Variants in TRIP12 observed in about 807,000 individuals in gnomAD.
The protein encoded by TRIP12 is thyroid hormone receptor interactor 12, also known as E3 ubiquitin-protein ligase TRIP12.
A neutral mutation model predicts 244.2 loss-of-function variants in TRIP12; 25 were observed. The observed-to-expected ratio is 0.10, with a 90% CI of 0.07 to 0.14. The LOEUF is 0.14. Ranked by LOEUF, TRIP12 falls within the 10% of genes least tolerant of loss-of-function variation. The pLI is 1.00. For missense variants in TRIP12, 1,677 were observed against 2,486.4 expected (o/e 0.67, Z 6.92); for synonymous variants, 905 against 873.1 (o/e 1.04, Z -0.64).
intron 9 of TRIP12, 115 bp from the exon 10 acceptor site, chr2:229,815,423 A>G: frequency 1.6e-6 from 1 of 631,380 alleles, no homozygotes. Context: ...CCTAACTTTT[A>G]CCACACAAAA....
At chr2:229,903,561 T>C (rs1227762784) in intron 1 of TRIP12, among the ~76,000 whole-genome samples, 1 of 152,014 alleles carries the variant, frequency 6.6e-6, no homozygotes, top group Non-Finnish European at 1.5e-5. Context: ...TAGGAGCCTG[T>C]GAGCCACAAC....
Position 229,792,056 on chromosome 2 carries a change from A to C in TRIP12, c.4225T>G (p.Phe1409Val). 6.2e-7 allele frequency: 1 copy of C among 1,614,120 alleles called. No individual in the cohort carries two copies. The highest frequency in any genetic ancestry group is 8.5e-7 in the Non-Finnish European group (1 of 1,179,986). ...EEIDESLAAQ[F>V]LNSGNVRHRL... ...TGTCTTACATTTCCTGAATTTAGGA[A>C]CTGAGCAGCCTGAATAAAGCAAAGC... The change falls in exon 29 of 42, where the codon TTC becomes GTC. Residue 1409 changes from phenylalanine to valine, a missense_variant. Coordinates refer to ENST00000675903, the MANE Select transcript of TRIP12 (RefSeq NM_001348323.3).
chr2:229,791,784 C>A, intron 29 of TRIP12, 82 bp downstream of exon 29: 1 of 1,448,534 alleles, frequency 6.9e-7, no homozygotes, highest in Non-Finnish European at 9.5e-7. Flanking sequence ...TGAAAGCCAG[C>A]CATTAAGTTA....
chr2:229,847,015 G>T (rs1050669353), intron 4 of TRIP12, among the ~76,000 whole-genome samples: 23 of 152,304 alleles, frequency 1.5e-4, no homozygotes, highest in Admixed American at 2.6e-4. Context: ...ATAAGGATTT[G>T]AACATGTTGG....
At chr2:229,793,643 C>G (rs2042102995) in intron 26 of TRIP12, among the ~76,000 whole-genome samples, 1 of 152,116 alleles carries the variant, frequency 6.6e-6, no homozygotes, top group Non-Finnish European at 1.5e-5. Flanking sequence ...GGTTTAATAG[C>G]TACTGCAGTT....
intron 38 of TRIP12, among the ~76,000 whole-genome samples, chr2:229,772,684 G>C (rs545486413): frequency 6.6e-6 from 1 of 152,166 alleles, no homozygotes; most frequent in African/African-American, 2.4e-5. Flanking sequence ...GGCTGGTCTT[G>C]AACTCCTGAC....
chr2:229,820,254 T>G (rs488007), intron 8 of TRIP12, among the ~76,000 whole-genome samples: 1 of 151,858 alleles, frequency 6.6e-6, no homozygotes, highest in Non-Finnish European at 1.5e-5. Flanking sequence ...CTTATAACCA[T>G]TGGGGTTGGC....
intron 2 of TRIP12, among the ~76,000 whole-genome samples, chr2:229,863,237 A>G (rs1319976285): frequency 6.6e-6 from 1 of 151,908 alleles, no homozygotes; most frequent in African/African-American, 2.4e-5. Context: ...TCGAAAAAAA[A>G]AAAAGAAAGA....
intron 6 of TRIP12, among the ~76,000 whole-genome samples, chr2:229,835,616 A>T (rs578237294): frequency 6.6e-6 from 1 of 152,326 alleles, no homozygotes; most frequent in East Asian, 1.9e-4. Flanking sequence ...GGTTGTTTGG[A>T]ATATTAAATA....
At chr2:229,800,679 T>C (rs1421851449) in intron 21 of TRIP12, among the ~76,000 whole-genome samples, 1 of 152,192 alleles carries the variant, frequency 6.6e-6, no homozygotes, top group East Asian at 1.9e-4. Flanking sequence ...AAAAATATTT[T>C]AAGAAAAAAG....
chr2:229,868,993 A>T (rs1027923370), intron 2 of TRIP12, among the ~76,000 whole-genome samples: 1 of 152,206 alleles, frequency 6.6e-6, no homozygotes, highest in African/African-American at 2.4e-5. Flanking sequence ...GAAGTTTTGG[A>T]GATTCAAGAG....
intron 1 of TRIP12, among the ~76,000 whole-genome samples, chr2:229,893,103 G>A (rs2067795755): frequency 6.6e-6 from 1 of 152,098 alleles, no homozygotes; most frequent in Non-Finnish European, 1.5e-5. Flanking sequence ...GTTGAGAATT[G>A]CTCAATACCT....
chr2:229,837,667 C>T (rs1433677260), intron 5 of TRIP12, among the ~76,000 whole-genome samples: 1 of 151,868 alleles, frequency 6.6e-6, no homozygotes, highest in African/African-American at 2.4e-5. Flanking sequence ...ATTGAGAATG[C>T]GAGGAAGGGA....
Position 229,901,230 on chromosome 2 carries a change from G to A in TRIP12, c.-50+20650C>T, listed in dbSNP as rs533360461. On this transcript the variant is annotated intron_variant, in intron 1 of 41. Transcript: ENST00000675903. ...ATTACAGTCATGAGCCACCACACCC[G>A]GCTCAATAAAGCTGTTTTTAAAAAT... is the stretch of plus-strand genomic sequence containing the variant. 2.6e-3 allele frequency among the ~76,000 whole-genome samples: 398 copies of A among 151,534 alleles called. 1 individual carries two copies. The highest frequency in any genetic ancestry group is 9.2e-3 in the African/African-American group (381 of 41,324).
chr2:229,774,640 G>A (rs1032294040), intron 37 of TRIP12, among the ~76,000 whole-genome samples: 3 of 152,038 alleles, frequency 2.0e-5, no homozygotes, highest in Admixed American at 2.0e-4. Flanking sequence ...TACTGTATAA[G>A]TATACAGCCA....
chr2:229,777,159 G>C (rs1392224616), intron 37 of TRIP12, among the ~76,000 whole-genome samples, 156 bp downstream of exon 37: 2 of 152,184 alleles, frequency 1.3e-5, no homozygotes, highest in Non-Finnish European at 2.9e-5. Context: ...GTGACCCACT[G>C]TGAAATCATA....
chr2:229,862,718 G>A (rs2060670958), intron 2 of TRIP12, among the ~76,000 whole-genome samples: 1 of 152,158 alleles, frequency 6.6e-6, no homozygotes, highest in African/African-American at 2.4e-5. Flanking sequence ...GTCTGGGGCA[G>A]CAGCCCTCCT....
At position 229,864,845 on chromosome 2, in the gene TRIP12, T is replaced by C. The variant is rs80190951; in HGVS notation, c.99-4314A>G. Among the ~76,000 whole-genome samples the C allele has an allele frequency of 5.8e-3, 886 of 152,334 alleles. 11 individuals are homozygous for C. Among genetic ancestry groups the C allele is most frequent in the East Asian group, 0.054 (279 of 5,182 alleles). ...TGTGCTTTCAAGATCATTTGGGTTA[T>C]GAAGCCTCAAATGCCTCTGAGTGTT... On this transcript the variant is annotated intron_variant, in intron 2 of 41. Transcript: ENST00000675903.
At chr2:229,880,419 A>G (rs2064586076) in intron 1 of TRIP12, among the ~76,000 whole-genome samples, 3 of 152,228 alleles carry the variant, frequency 2.0e-5, no homozygotes, top group Non-Finnish European at 2.9e-5. Context: ...AAAACAGAGC[A>G]CAGGTAGAAA....
Sources: gnomAD v4.1 joint callset for allele counts (sites outside exome capture counted in the v4.1 genomes callset) on GRCh38, gnomAD v4.1.1 for gene constraint, MANE v1.5 for transcripts, NCBI Gene and HGNC (gene_info 2026-07-23, HGNC 2026-07-21) for gene names.